Variants in SEMA5A observed in about 807,000 individuals in gnomAD.
SEMA5A encodes the protein semaphorin-5A.
SEMA5A carries 55 observed loss-of-function variants against 135.5 expected under a neutral mutation model. The ratio of observed to expected loss-of-function variants is 0.41; its 90% confidence interval spans 0.33 to 0.51. The LOEUF (loss-of-function observed/expected upper bound fraction) is 0.51. Ranked by LOEUF, SEMA5A falls within the 20% of genes least tolerant of loss-of-function variation. The probability of loss-of-function intolerance (pLI) is 0.37; values close to 1 mark genes in which losing one functional copy is unlikely to be tolerated. For missense variants in SEMA5A, 1,290 were observed against 1,419.9 expected (o/e 0.91, Z 1.47); for synonymous variants, 580 against 546.5 (o/e 1.06, Z -0.85).
At chr5:9,160,988 C>G (rs559462973) in intron 11 of SEMA5A, among the ~76,000 whole-genome samples, 1 of 152,158 alleles carries the variant, frequency 6.6e-6, no homozygotes, top group Non-Finnish European at 1.5e-5. Flanking sequence ...ATTCCAGCCA[C>G]AAGAAATGAC....
rs141243685 is a variant in SEMA5A, at chr5:9,488,673, TTG to T, written c.-174-50823_-174-50822del. On this transcript the variant is annotated intron_variant, in intron 1 of 22. Coordinates refer to ENST00000382496, the MANE Select transcript of SEMA5A (RefSeq NM_003966.3). ...CGGCCTATGCTCTCTCACGCAGCCC[TTG>T]TGTGTTCCCAGATGACACGTATTTA... 6.1e-3 allele frequency among the ~76,000 whole-genome samples: 932 copies of T among 152,276 alleles called. 8 individuals carry two copies. The highest frequency in any genetic ancestry group is 0.022 in the African/African-American group (906 of 41,564).
chr5:9,495,965 G>A (rs1481577275), intron 1 of SEMA5A, among the ~76,000 whole-genome samples: 2 of 152,154 alleles, frequency 1.3e-5, no homozygotes, highest in African/African-American at 2.4e-5. Context: ...GAAACTTCAT[G>A]AGGACCCAGA....
intron 5 of SEMA5A, among the ~76,000 whole-genome samples, chr5:9,306,571 C>G (rs981324827): frequency 1.3e-5 from 2 of 152,080 alleles, no homozygotes; most frequent in African/African-American, 4.8e-5. Flanking sequence ...CTACTTTCTT[C>G]CTTATATTAA....
intron 15 of SEMA5A, among the ~76,000 whole-genome samples, chr5:9,109,562 A>T (rs1740131884): frequency 6.6e-6 from 1 of 152,192 alleles, no homozygotes; most frequent in South Asian, 2.1e-4. Context: ...ACTAGAATGC[A>T]CAACTTTTTC....
At chr5:9,212,554 T>C (rs3026332) in intron 8 of SEMA5A, among the ~76,000 whole-genome samples, 4,469 of 152,262 alleles carry the variant, frequency 0.029, 235 homozygotes, top group African/African-American at 0.1. Context: ...AATGGGGGGC[T>C]AAGTGAGATG....
intron 18 of SEMA5A, among the ~76,000 whole-genome samples, chr5:9,061,382 T>C (rs1236184328): frequency 6.6e-6 from 1 of 151,838 alleles, no homozygotes; most frequent in African/African-American, 2.4e-5. Flanking sequence ...GCCAGGCCCC[T>C]GCTGGGAGCT....
At chr5:9,214,879 C>T (rs1331111739) in intron 8 of SEMA5A, among the ~76,000 whole-genome samples, 1 of 152,202 alleles carries the variant, frequency 6.6e-6, no homozygotes, top group African/African-American at 2.4e-5. Context: ...CAAGCATCAG[C>T]AATGCTCAAG....
chr5:9,061,546 A>G (rs1186934289), intron 18 of SEMA5A, among the ~76,000 whole-genome samples: 2 of 152,106 alleles, frequency 1.3e-5, no homozygotes, highest in Non-Finnish European at 2.9e-5. Context: ...ACAGGAGAGC[A>G]GGAAGTGGGA....
At chr5:9,318,507 A>G in intron 4 of SEMA5A, 90 bp from the exon 5 acceptor site, 1 of 1,085,494 alleles carries the variant, frequency 9.2e-7, no homozygotes, top group Non-Finnish European at 1.4e-6. Flanking sequence ...AGAAAATAAT[A>G]ATTTTGACTT....
intron 1 of SEMA5A, among the ~76,000 whole-genome samples, chr5:9,476,310 A>T (rs952576715): frequency 3.3e-5 from 5 of 152,238 alleles, no homozygotes; most frequent in African/African-American, 9.6e-5. Context: ...CTAAAGCACC[A>T]AACAGCTATT....
rs1357881107 is a variant in SEMA5A, at chr5:9,042,746, T to C, written c.*151A>G. The C allele has an allele frequency of 1.2e-6, 1 of 838,094 alleles. No homozygotes were observed. The highest frequency in any genetic ancestry group is 1.7e-5 in the South Asian group (1 of 59,200). The allele number at this position is 838,094 out of a possible 1,614,324, so 51.9% of individuals were successfully genotyped here. A position where few individuals can be genotyped will look rare whatever the true frequency, so the allele number is the denominator to read the frequency against. On this transcript the variant is annotated 3_prime_UTR_variant, in exon 23 of 23. Coordinates refer to ENST00000382496, the MANE Select transcript of SEMA5A (RefSeq NM_003966.3). ...AATTTTTGTTGCTTTTAAAGACGTG[T>C]ATTTTTGGCAGCAATGGGACACTCT... is the stretch of plus-strand genomic sequence containing the variant.
At chr5:9,217,604 T>C (rs1269427982) in intron 8 of SEMA5A, among the ~76,000 whole-genome samples, 3 of 152,256 alleles carry the variant, frequency 2.0e-5, no homozygotes, top group Non-Finnish European at 4.4e-5. Context: ...GTTTGCTTTC[T>C]TCCCCTCCCT....
At chr5:9,476,521 G>T (rs982089963) in intron 1 of SEMA5A, among the ~76,000 whole-genome samples, 1 of 152,072 alleles carries the variant, frequency 6.6e-6, no homozygotes, top group Admixed American at 6.6e-5. Flanking sequence ...GGTACCAGGA[G>T]GGTTATGGCA....
chr5:9,199,848 G>T (rs1018374707), intron 9 of SEMA5A, among the ~76,000 whole-genome samples: 1 of 152,126 alleles, frequency 6.6e-6, no homozygotes, highest in Non-Finnish European at 1.5e-5. Context: ...ATTTTCTGCA[G>T]GCCAACCCAT....
intron 1 of SEMA5A, among the ~76,000 whole-genome samples, chr5:9,469,208 C>G (rs954359261): frequency 6.6e-6 from 1 of 152,094 alleles, no homozygotes. Context: ...GGGGTTTCAC[C>G]GTATTGTTCA....
intron 5 of SEMA5A, among the ~76,000 whole-genome samples, chr5:9,292,221 G>A (rs912702813): frequency 1.3e-5 from 2 of 152,096 alleles, no homozygotes; most frequent in African/African-American, 4.8e-5. Flanking sequence ...TCAATTCTGT[G>A]AATCCTCCAG....
chr5:9,243,579 G>A (rs146923058), intron 5 of SEMA5A, among the ~76,000 whole-genome samples: 1 of 152,196 alleles, frequency 6.6e-6, no homozygotes, highest in African/African-American at 2.4e-5. Context: ...TCATTGCTTT[G>A]CCACAAATTA....
chr5:9,366,636 C>T (rs1484884662), intron 3 of SEMA5A, among the ~76,000 whole-genome samples: 1 of 152,184 alleles, frequency 6.6e-6, no homozygotes, highest in Non-Finnish European at 1.5e-5. Context: ...GATCCGTCCG[C>T]CTTAGCCTCC....
At chr5:9,432,767 A>G (rs1757902265) in intron 2 of SEMA5A, among the ~76,000 whole-genome samples, 1 of 152,224 alleles carries the variant, frequency 6.6e-6, no homozygotes, top group Non-Finnish European at 1.5e-5. Flanking sequence ...TGATTTGACC[A>G]GCCTTAACTT....
Sources: gnomAD v4.1 joint callset for allele counts (sites outside exome capture counted in the v4.1 genomes callset) on GRCh38, gnomAD v4.1.1 for gene constraint, MANE v1.5 for transcripts, NCBI Gene and HGNC (gene_info 2026-07-23, HGNC 2026-07-21) for gene names.